Variants in PRLR observed in about 807,000 individuals in gnomAD.
PRLR encodes the protein prolactin receptor.
Under a neutral mutation model 40.2 loss-of-function variants are expected in PRLR, and 13 were observed. That is an observed-to-expected ratio of 0.32 (90% CI 0.21 to 0.51). PRLR has a LOEUF of 0.51. Ranked by LOEUF, PRLR falls within the 20% of genes least tolerant of loss-of-function variation. The pLI is 0.97. For synonymous variants in PRLR, 269 were observed against 278.7 expected, an observed-to-expected ratio of 0.97 and a Z score of 0.35; for missense variants, 656 against 747.3, an observed-to-expected ratio of 0.88 and a Z score of 1.42.
rs1051894809 is a variant in PRLR, at chr5:35,180,174, G to A, written c.-106+50094C>T. Among the ~76,000 whole-genome samples the A allele has an allele frequency of 2.0e-5, 3 of 152,214 alleles. No homozygotes were observed. In the East Asian group the frequency reaches 5.8e-4, roughly 29 times the overall value. Reference sequence around the variant, plus strand: ...TAATGCTGCTGCTGATCTGACAGGAGGCTGAGCTCAGGCAGTAATGAGCGA... The same window carrying A: ...TAATGCTGCTGCTGATCTGACAGGAAGCTGAGCTCAGGCAGTAATGAGCGA... On this transcript the variant is annotated intron_variant, in intron 1 of 9. Coordinates refer to ENST00000618457, the MANE Select transcript of PRLR (RefSeq NM_000949.7).
intron 1 of PRLR, among the ~76,000 whole-genome samples, chr5:35,142,562 C>T (rs557179826): frequency 1.3e-5 from 2 of 152,190 alleles, no homozygotes; most frequent in African/African-American, 4.8e-5. Flanking sequence ...CAATTATCTA[C>T]CCAAAGCTTC....
intron 5 of PRLR, among the ~76,000 whole-genome samples, chr5:35,076,596 A>G (rs955790985): frequency 6.6e-6 from 1 of 152,222 alleles, no homozygotes; most frequent in Admixed American, 6.5e-5. Flanking sequence ...GACAGGGAGA[A>G]TGGAACCAAG....
chr5:35,111,956 A>C (rs751351349), intron 2 of PRLR, among the ~76,000 whole-genome samples: 4 of 152,244 alleles, frequency 2.6e-5, no homozygotes, highest in Non-Finnish European at 5.9e-5. Context: ...AAAAATTTTA[A>C]CACCACAAAA....
At chr5:35,166,209 A>C (rs529200981) in intron 1 of PRLR, among the ~76,000 whole-genome samples, 1 of 152,298 alleles carries the variant, frequency 6.6e-6, no homozygotes, top group East Asian at 1.9e-4. Context: ...TTCAAACTAA[A>C]TATGAATTAT....
Position 35,131,464 on chromosome 5 carries a change from TG to T in PRLR, c.-105-13343del, listed in dbSNP as rs1773671302. Among the ~76,000 whole-genome samples the T allele has an allele frequency of 5.9e-5, 9 of 152,284 alleles. No individual in the cohort carries two copies. In the South Asian group the frequency reaches 1.9e-3, roughly 32 times the overall value. On this transcript the variant is annotated intron_variant, in intron 1 of 9. Transcript: ENST00000618457. ...AACTGCTGGTCCAGTGGCAGTGGGCTGGTAAGAAGAACCACAATCGCTGGCA... is the reference window on the plus strand; with the variant it reads ...AACTGCTGGTCCAGTGGCAGTGGGCTGTAAGAAGAACCACAATCGCTGGCA...
Position 35,107,917 on chromosome 5 carries a change from C to A in PRLR, c.-44+10144G>T, listed in dbSNP as rs540585597. Among the ~76,000 whole-genome samples the A allele has an allele frequency of 9.9e-5, 15 of 152,106 alleles. No homozygotes were observed. The East Asian group carries it at 2.9e-3, about 29-fold the overall frequency. On this transcript the variant is annotated intron_variant, in intron 2 of 9. Coordinates refer to ENST00000618457, the MANE Select transcript of PRLR (RefSeq NM_000949.7). ...GATACCAAATCCTGGCAGAGACACACACAAAAAAGAGAATTTTAGACCAAT... is the reference window on the plus strand; with the variant it reads ...GATACCAAATCCTGGCAGAGACACAAACAAAAAAGAGAATTTTAGACCAAT...
intron 1 of PRLR, among the ~76,000 whole-genome samples, chr5:35,229,660 G>A (rs1776645298): frequency 6.6e-6 from 1 of 151,986 alleles, no homozygotes; most frequent in African/African-American, 2.4e-5. Context: ...CTTCTGGCCC[G>A]GAGGCTGCTC....
chr5:35,066,038 T>C lies in PRLR; in HGVS notation c.920A>G (p.Tyr307Cys). ...GCQDFPPTSD[Y>C]EDLLVEYLEV... ...TAAATACTCCACCAGCAAGTCCTCATAGTCAGAAGTGGGAGGAAAGTCTTG... is the reference window on the plus strand; with the variant it reads ...TAAATACTCCACCAGCAAGTCCTCACAGTCAGAAGTGGGAGGAAAGTCTTG... The change falls in exon 10 of 10, where the codon TAT (tyrosine) becomes TGT (cysteine). Residue 307 changes from tyrosine to cysteine, a missense_variant. Around this residue, in one of 3 missense-constraint regions of PRLR, gnomAD observed 469 missense variants for 491.5 expected, o/e 0.95. Coordinates refer to ENST00000618457, the MANE Select transcript of PRLR (RefSeq NM_000949.7). 6.2e-7 allele frequency: 1 copy of C among 1,614,118 alleles called. No homozygotes were observed. The highest frequency in any genetic ancestry group is 8.5e-7 in the Non-Finnish European group (1 of 1,179,976).
At chr5:35,135,711 C>T (rs1028499288) in intron 1 of PRLR, among the ~76,000 whole-genome samples, 5 of 152,120 alleles carry the variant, frequency 3.3e-5, no homozygotes, top group African/African-American at 9.7e-5. Flanking sequence ...CTAGGGTTTT[C>T]TGACCATCTT....
At chr5:35,192,177 G>A (rs1775626016) in intron 1 of PRLR, among the ~76,000 whole-genome samples, 1 of 152,224 alleles carries the variant, frequency 6.6e-6, no homozygotes, top group Non-Finnish European at 1.5e-5. Context: ...GACCTACTCT[G>A]TTACATAATT....
chr5:35,137,330 G>A (rs1028085213), intron 1 of PRLR, among the ~76,000 whole-genome samples: 10 of 151,728 alleles, frequency 6.6e-5, no homozygotes, highest in Admixed American at 1.3e-4. Flanking sequence ...TTTTTTTTAA[G>A]CAGCATAACT....
intron 1 of PRLR, among the ~76,000 whole-genome samples, chr5:35,189,904 G>C (rs1006846872): frequency 6.6e-6 from 1 of 152,140 alleles, no homozygotes; most frequent in Admixed American, 6.5e-5. Flanking sequence ...GTCTAAAGCC[G>C]CACAGCTTTG....
At chr5:35,166,752 T>TA in intron 1 of PRLR, among the ~76,000 whole-genome samples, 1 of 152,148 alleles carries the variant, frequency 6.6e-6, no homozygotes, top group Non-Finnish European at 1.5e-5. Context: ...GAGGCACACA[T>TA]ATAATGGCCA....
intron 1 of PRLR, among the ~76,000 whole-genome samples, chr5:35,217,225 G>A (rs1776307717): frequency 6.6e-6 from 1 of 152,116 alleles, no homozygotes; most frequent in South Asian, 2.1e-4. Context: ...CAACACTGGG[G>A]GCCTAAGTGA....
At chr5:35,202,116 C>T (rs1775898647) in intron 1 of PRLR, among the ~76,000 whole-genome samples, 1 of 152,138 alleles carries the variant, frequency 6.6e-6, no homozygotes, top group Non-Finnish European at 1.5e-5. Flanking sequence ...ACTTCAGTTT[C>T]CTTATCTGTG....
intron 1 of PRLR, among the ~76,000 whole-genome samples, chr5:35,201,336 A>G (rs78926308): frequency 0.039 from 5,887 of 152,298 alleles, 115 homozygotes; most frequent in Middle Eastern, 0.071. Context: ...AAACCACAAC[A>G]TTCAAGTGAT....
intron 1 of PRLR, among the ~76,000 whole-genome samples, chr5:35,199,067 G>A (rs764798741): frequency 6.6e-6 from 1 of 152,170 alleles, no homozygotes; most frequent in Admixed American, 6.5e-5. Context: ...CTCTTGCAGG[G>A]CTTCTCCTCC....
chr5:35,150,212 T>C (rs994257447), intron 1 of PRLR, among the ~76,000 whole-genome samples: 6 of 152,202 alleles, frequency 3.9e-5, no homozygotes, highest in African/African-American at 1.4e-4. Flanking sequence ...GTATTCTTGC[T>C]TCAGTCTATC....
rs1773449495 is a variant in PRLR at position 35,126,024 on chromosome 5, G to C, written c.-105-7902C>G. ...CTTCTGTTTTTCAATCTAGTTGTCT[G>C]TTTTGCTATCCAAAGCTGCCTTCTT... On this transcript the variant is annotated intron_variant, in intron 1 of 9. Transcript: ENST00000618457. 2.6e-5 allele frequency among the ~76,000 whole-genome samples: 4 copies of C among 152,124 alleles called. No homozygotes were observed. In the South Asian group the frequency reaches 8.3e-4, roughly 32 times the overall value.
Sources: gnomAD v4.1 joint callset for allele counts (sites outside exome capture counted in the v4.1 genomes callset) on GRCh38, gnomAD v4.1.1 for gene constraint, gnomAD v4.1.1 regional missense constraint, MANE v1.5 for transcripts, NCBI Gene and HGNC (gene_info 2026-07-23, HGNC 2026-07-21) for gene names.